DACH1: variants seen among roughly 807,000 people sequenced by gnomAD.
DACH1 encodes dachshund family transcription factor 1.
Under a neutral mutation model 54.2 loss-of-function variants are expected in DACH1, and 12 were observed. That is an observed-to-expected ratio of 0.22 (90% CI 0.14 to 0.36). The LOEUF is 0.36. Among genes scored for constraint, DACH1 ranks in the 10% least tolerant of loss-of-function variants. The probability of loss-of-function intolerance (pLI) is 1.00; values close to 1 mark genes in which losing one functional copy is unlikely to be tolerated. For synonymous variants in DACH1, 386 were observed against 366.2 expected, an observed-to-expected ratio of 1.05 and a Z score of -0.62; for missense variants, 805 against 929.8, an observed-to-expected ratio of 0.87 and a Z score of 1.75.
intron 10 of DACH1, among the ~76,000 whole-genome samples, chr13:71,446,458 A>C (rs778348955): frequency 2.6e-5 from 4 of 152,178 alleles, no homozygotes; most frequent in African/African-American, 9.7e-5. Context: ...TGCTATATCG[A>C]TTTTAAGTCT....
At chr13:71,635,320 C>A (rs151006897) in intron 2 of DACH1, among the ~76,000 whole-genome samples, 126 of 152,312 alleles carry the variant, frequency 8.3e-4, no homozygotes, top group African/African-American at 2.9e-3. Flanking sequence ...CCTCAACCCA[C>A]TCTGCATTTA....
rs145321561 is a variant in DACH1 at position 71,538,337 on chromosome 13, G to A, written c.1570+18687C>T. 1.0e-3 allele frequency among the ~76,000 whole-genome samples: 152 copies of A among 151,556 alleles called. 1 individual carries two copies. The East Asian group carries it at 0.024, about 24-fold the overall frequency. Reference sequence around the variant, plus strand: ...TTAGGGTAGATAATCCCAACTAGTGGTTCTATAATGGGAGTGTTTCTGATG... The same window carrying A: ...TTAGGGTAGATAATCCCAACTAGTGATTCTATAATGGGAGTGTTTCTGATG... On this transcript the variant is annotated intron_variant, in intron 6 of 10. Transcript: ENST00000613252.
At chr13:71,529,256 G>A (rs182482657) in intron 6 of DACH1, among the ~76,000 whole-genome samples, 9 of 148,956 alleles carry the variant, frequency 6.0e-5, no homozygotes, top group East Asian at 2.0e-4. Flanking sequence ...GTGCGATCTC[G>A]GCTCACTGCA....
intron 1 of DACH1, among the ~76,000 whole-genome samples, chr13:71,706,262 T>G (rs1398494157): frequency 6.6e-6 from 1 of 151,450 alleles, no homozygotes; most frequent in African/African-American, 2.4e-5. Context: ...AATTATATTA[T>G]TAATCTTTAT....
chr13:71,687,034 C>T (rs1881198818), intron 1 of DACH1, among the ~76,000 whole-genome samples: 1 of 152,106 alleles, frequency 6.6e-6, no homozygotes, highest in African/African-American at 2.4e-5. Flanking sequence ...TGAGATTAAT[C>T]CTGGGACACA....
chr13:71,693,284 C>A (rs1229010863), intron 1 of DACH1, among the ~76,000 whole-genome samples: 2 of 143,402 alleles, frequency 1.4e-5, no homozygotes, highest in East Asian at 4.5e-4. Flanking sequence ...ACCCTCTTAT[C>A]CATTTGTTTT....
At chr13:71,680,593 G>A (rs1880840733) in intron 2 of DACH1, among the ~76,000 whole-genome samples, 1 of 152,154 alleles carries the variant, frequency 6.6e-6, no homozygotes, top group African/African-American at 2.4e-5. Context: ...AATAGAGGGA[G>A]ACTCTTTGTC....
chr13:71,573,125 T>G, intron 3 of DACH1, 113 bp from the exon 4 acceptor site: 1 of 1,098,368 alleles, frequency 9.1e-7, no homozygotes, highest in Non-Finnish European at 1.3e-6. Flanking sequence ...TTTTTCCTCT[T>G]CATATGCAAA....
intron 8 of DACH1, among the ~76,000 whole-genome samples, chr13:71,477,333 G>A (rs1004077961): frequency 1.3e-5 from 2 of 151,308 alleles, no homozygotes; most frequent in Non-Finnish European, 2.9e-5. Context: ...TTGTTAGCCA[G>A]GATGGTCTGG....
chr13:71,679,298 C>T (rs559974195), intron 2 of DACH1, among the ~76,000 whole-genome samples: 1 of 152,182 alleles, frequency 6.6e-6, no homozygotes, highest in East Asian at 1.9e-4. Flanking sequence ...GGAATATGAC[C>T]TTCCTTTATT....
intron 3 of DACH1, among the ~76,000 whole-genome samples, chr13:71,609,535 A>T (rs1875144138): frequency 6.8e-6 from 1 of 146,036 alleles, no homozygotes; most frequent in African/African-American, 2.8e-5. Context: ...AACCCTTAGA[A>T]GTTGACTTTT....
In DACH1 at chr13:71,587,927, G is replaced by A. The variant is rs9572759; in HGVS notation, c.1127-14915C>T. Among the ~76,000 whole-genome samples the A allele has an allele frequency of 7.9e-4, 120 of 152,236 alleles. No individual in the cohort carries two copies. The East Asian group carries it at 0.019, about 25-fold the overall frequency. On this transcript the variant is annotated intron_variant, in intron 3 of 10. Transcript: ENST00000613252. ...GCTGCAGCACCTTGTTACTGCAGCT[G>A]TTGTGTAGCAATGATTCTGTATCAA...
chr13:71,582,402 C>T (rs1037051430), intron 3 of DACH1, among the ~76,000 whole-genome samples: 4 of 152,094 alleles, frequency 2.6e-5, no homozygotes, highest in African/African-American at 4.8e-5. Flanking sequence ...AATGAATGCA[C>T]ATTATGATTG....
intron 1 of DACH1, among the ~76,000 whole-genome samples, chr13:71,748,782 A>G (rs954131543): frequency 2.0e-5 from 3 of 152,190 alleles, no homozygotes; most frequent in African/African-American, 7.2e-5. Flanking sequence ...ATCATCTTTC[A>G]TAACATGATT....
chr13:71,473,220 AAGTG>A (rs560350260), intron 10 of DACH1, among the ~76,000 whole-genome samples: 136 of 152,314 alleles, frequency 8.9e-4, no homozygotes, highest in African/African-American at 3.1e-3. Context: ...TGAATGAATA[AAGTG>A]AGTGAGGATT....
intron 1 of DACH1, among the ~76,000 whole-genome samples, chr13:71,706,396 G>T (rs942397177): frequency 2.6e-5 from 4 of 151,788 alleles, no homozygotes; most frequent in African/African-American, 9.7e-5. Context: ...CTGCTTAATT[G>T]AAATCCCAAC....
intron 1 of DACH1, among the ~76,000 whole-genome samples, chr13:71,710,673 A>G (rs1422000569): frequency 1.3e-5 from 2 of 152,194 alleles, no homozygotes; most frequent in African/African-American, 4.8e-5. Flanking sequence ...AGTAAGTATC[A>G]TTTTGGAGGT....
chr13:71,576,874 T>C (rs529124313), intron 3 of DACH1, among the ~76,000 whole-genome samples: 7 of 152,252 alleles, frequency 4.6e-5, no homozygotes, highest in Non-Finnish European at 1.5e-5. Flanking sequence ...CTCTTCTCCT[T>C]CTTCTGGGTA....
At chr13:71,530,938 T>C (rs1327174475) in intron 6 of DACH1, among the ~76,000 whole-genome samples, 3 of 151,954 alleles carry the variant, frequency 2.0e-5, no homozygotes, top group African/African-American at 7.3e-5. Flanking sequence ...GGATTTAGAG[T>C]ATCATCTCCC....
Sources: allele counts gnomAD v4.1 joint callset (sites outside exome capture counted in the v4.1 genomes callset), GRCh38; gene constraint gnomAD v4.1.1; transcripts MANE v1.5; gene names NCBI Gene and HGNC (gene_info 2026-07-23, HGNC 2026-07-21).